Variants in GRXCR1 observed in about 807,000 individuals in gnomAD.
The protein encoded by GRXCR1 is glutaredoxin and cysteine rich domain containing 1.
Under a neutral mutation model 27.3 loss-of-function variants are expected in GRXCR1, and 27 were observed. The ratio of observed to expected loss-of-function variants is 0.99; its 90% CI spans 0.73 to 1.37. The LOEUF is 1.37. GRXCR1 is among the 40% of genes most tolerant of loss of function. The probability of loss-of-function intolerance (pLI) is 0.00; values close to 1 mark genes in which losing one functional copy is unlikely to be tolerated. For synonymous variants in GRXCR1, 122 were observed against 131.1 expected, an observed-to-expected ratio of 0.93 and a Z score of 0.47; for missense variants, 379 against 354.4, an observed-to-expected ratio of 1.07 and a Z score of -0.56.
chr4:42,978,570 A>C (rs74693015), intron 2 of GRXCR1, among the ~76,000 whole-genome samples: 4,643 of 151,852 alleles, frequency 0.031, 80 homozygotes, highest in South Asian at 0.058. Flanking sequence ...TATAATTGAG[A>C]TTGTTTTCTT....
chr4:42,946,999 T>C (rs34984612), intron 1 of GRXCR1, among the ~76,000 whole-genome samples: 3,082 of 151,578 alleles, frequency 0.02, 45 homozygotes, highest in Non-Finnish European at 0.03. Context: ...GAATGGAGAG[T>C]TTTGAAGGGC....
chr4:42,984,225 T>A (rs1711603180), intron 2 of GRXCR1, among the ~76,000 whole-genome samples: 1 of 152,242 alleles, frequency 6.6e-6, no homozygotes, highest in Admixed American at 6.5e-5. Flanking sequence ...AACACCAGGG[T>A]TTCTGTTTGA....
chr4:42,900,280 AT>A (rs1746431510), intron 1 of GRXCR1, among the ~76,000 whole-genome samples: 1 of 152,140 alleles, frequency 6.6e-6, no homozygotes. Context: ...AGGGCATTTT[AT>A]TTACGTGCAC....
At chr4:42,971,154 C>T (rs998686785) in intron 2 of GRXCR1, among the ~76,000 whole-genome samples, 6 of 152,144 alleles carry the variant, frequency 3.9e-5, no homozygotes, top group African/African-American at 1.4e-4. Context: ...TTTGAGACCA[C>T]TTCAGCCTGG....
intron 1 of GRXCR1, among the ~76,000 whole-genome samples, chr4:42,924,211 G>A (rs1747089142): frequency 6.6e-6 from 1 of 152,044 alleles, no homozygotes; most frequent in African/African-American, 2.4e-5. Context: ...TTTGACAAGT[G>A]CTCATTAACT....
At chr4:43,008,406 C>T (rs536106635) in intron 2 of GRXCR1, among the ~76,000 whole-genome samples, 2 of 152,228 alleles carry the variant, frequency 1.3e-5, no homozygotes, top group East Asian at 3.9e-4. Context: ...GTCAGAAGTT[C>T]TTTATAGCAC....
At chr4:42,995,281 T>C (rs1343329955) in intron 2 of GRXCR1, among the ~76,000 whole-genome samples, 1 of 152,194 alleles carries the variant, frequency 6.6e-6, no homozygotes, top group South Asian at 2.1e-4. Flanking sequence ...AATTATAGTT[T>C]TATCTTAGCA....
chr4:43,011,449 G>A (rs1254733500), intron 2 of GRXCR1, among the ~76,000 whole-genome samples: 2 of 152,106 alleles, frequency 1.3e-5, no homozygotes, highest in African/African-American at 4.8e-5. Flanking sequence ...CCTCTTCCCA[G>A]AGCTACAGGT....
At chr4:43,007,446 C>G (rs1232655155) in intron 2 of GRXCR1, among the ~76,000 whole-genome samples, 5 of 152,044 alleles carry the variant, frequency 3.3e-5, no homozygotes, top group Non-Finnish European at 2.9e-5. Context: ...TGAGTGGAAA[C>G]CAAAGGTATT....
chr4:42,970,457 G>T (rs756760965), intron 2 of GRXCR1, among the ~76,000 whole-genome samples: 1 of 152,162 alleles, frequency 6.6e-6, no homozygotes, highest in Non-Finnish European at 1.5e-5. Context: ...AAATCTAAGA[G>T]GAGGTTCCCA....
chr4:43,007,668 ATGAAT>A (rs1712608162), intron 2 of GRXCR1, among the ~76,000 whole-genome samples: 1 of 152,220 alleles, frequency 6.6e-6, no homozygotes, highest in Non-Finnish European at 1.5e-5. Context: ...GGACTTACTG[ATGAAT>A]TGAATGTGGG....
chr4:42,981,849 C>T (rs183914523), intron 2 of GRXCR1, among the ~76,000 whole-genome samples: 17 of 152,164 alleles, frequency 1.1e-4, no homozygotes, highest in African/African-American at 1.4e-4. Context: ...CTTTTGCTTT[C>T]GGGATCTTCT....
At chr4:42,914,509 G>C (rs952933356) in intron 1 of GRXCR1, among the ~76,000 whole-genome samples, 1 of 152,186 alleles carries the variant, frequency 6.6e-6, no homozygotes, top group Admixed American at 6.5e-5. Context: ...TACCTTCATT[G>C]TATCTGGGAA....
chr4:42,976,817 G>A (rs1748534838), intron 2 of GRXCR1, among the ~76,000 whole-genome samples: 1 of 151,728 alleles, frequency 6.6e-6, no homozygotes. Context: ...ATTTTTGTGG[G>A]GAGACTATTT....
chr4:43,022,352 G>A (rs116178360), intron 3 of GRXCR1, among the ~76,000 whole-genome samples: 2,623 of 152,134 alleles, frequency 0.017, 79 homozygotes, highest in African/African-American at 0.06. Flanking sequence ...TTATTCCATT[G>A]AGTCTGTAAT....
intron 1 of GRXCR1, among the ~76,000 whole-genome samples, chr4:42,920,847 G>A (rs1017519604): frequency 1.3e-5 from 2 of 151,758 alleles, no homozygotes; most frequent in South Asian, 4.2e-4. Flanking sequence ...CTTCCCTCTG[G>A]TTTTTTTGAT....
chr4:42,978,296 T>G (rs1748570336), intron 2 of GRXCR1, among the ~76,000 whole-genome samples: 1 of 152,116 alleles, frequency 6.6e-6, no homozygotes, highest in African/African-American at 2.4e-5. Context: ...TTTGGGGTAC[T>G]TTGTCATTCC....
At chr4:42,966,524 C>T (rs1748241527) in intron 2 of GRXCR1, among the ~76,000 whole-genome samples, 1 of 152,102 alleles carries the variant, frequency 6.6e-6, no homozygotes, top group African/African-American at 2.4e-5. Flanking sequence ...GCAAGTGACA[C>T]AGCTAGGTTA....
At chr4:42,897,063 T>A (rs1397512062) in intron 1 of GRXCR1, among the ~76,000 whole-genome samples, 2 of 152,132 alleles carry the variant, frequency 1.3e-5, no homozygotes, top group Non-Finnish European at 2.9e-5. Context: ...TACTGGAAAA[T>A]TTTAAAAATA....
Sources: gnomAD v4.1 joint callset for allele counts (sites outside exome capture counted in the v4.1 genomes callset) on GRCh38, gnomAD v4.1.1 for gene constraint, MANE v1.5 for transcripts, NCBI Gene and HGNC (gene_info 2026-07-23, HGNC 2026-07-21) for gene names.